Variants in GUCA1C observed in about 807,000 individuals in gnomAD.
GUCA1C encodes the protein guanylate cyclase activator 1C.
Under a neutral mutation model 16.2 loss-of-function variants are expected in GUCA1C, and 15 were observed. That is an observed-to-expected ratio of 0.93 (90% CI 0.62 to 1.43). The LOEUF is 1.43. Ranked by LOEUF, GUCA1C falls within the 40% of genes most tolerant of loss-of-function variation. The pLI is 0.00. For synonymous variants in GUCA1C, 78 were observed against 85.4 expected (o/e 0.91, Z 0.48); for missense variants, 275 against 244.8 (o/e 1.12, Z -0.82).
chr3:108,940,398 G>A (rs532604468), intron 1 of GUCA1C, among the ~76,000 whole-genome samples: 2 of 152,258 alleles, frequency 1.3e-5, no homozygotes, highest in East Asian at 3.9e-4. Context: ...AATTTTTAAG[G>A]GCTCCTATAC....
intron 1 of GUCA1C, among the ~76,000 whole-genome samples, chr3:108,923,078 T>C (rs1189009738): frequency 6.6e-6 from 1 of 152,188 alleles, no homozygotes; most frequent in Non-Finnish European, 1.5e-5. Flanking sequence ...CTATTAGTCC[T>C]TCGTCGAATG....
chr3:108,940,267 C>T (rs1375364397), intron 1 of GUCA1C, among the ~76,000 whole-genome samples: 2 of 152,008 alleles, frequency 1.3e-5, no homozygotes, highest in Non-Finnish European at 2.9e-5. Flanking sequence ...GAATATAAAC[C>T]GTTAATTGTG....
At chr3:108,944,842 T>A (rs902110910) in intron 1 of GUCA1C, among the ~76,000 whole-genome samples, 21 of 152,228 alleles carry the variant, frequency 1.4e-4, no homozygotes, top group Non-Finnish European at 2.5e-4. Context: ...GGGTCAATAA[T>A]CCTCTTATTC....
intron 1 of GUCA1C, among the ~76,000 whole-genome samples, chr3:108,924,315 C>T (rs1946599461): frequency 6.6e-6 from 1 of 151,986 alleles, no homozygotes; most frequent in African/African-American, 2.4e-5. Context: ...AAGGTATGTC[C>T]CTTCTATACC....
intron 1 of GUCA1C, among the ~76,000 whole-genome samples, chr3:108,938,212 C>G (rs377408340): frequency 2.1e-4 from 32 of 152,122 alleles, no homozygotes; most frequent in African/African-American, 7.2e-4. Context: ...AACTGATTCC[C>G]CACACAGCAT....
chr3:108,936,465 T>C lies in GUCA1C; in HGVS notation c.205-15880A>G, dbSNP rs556790390. On this transcript the variant is annotated intron_variant, in intron 1 of 3. Transcript: ENST00000261047. Reference sequence around the variant, plus strand: ...ATTCTTACTTTACAGAGAATAAAACTGATTTTCAGAGAAGTTAAATAAATG... The same window carrying C: ...ATTCTTACTTTACAGAGAATAAAACCGATTTTCAGAGAAGTTAAATAAATG... 4.6e-5 allele frequency among the ~76,000 whole-genome samples: 7 copies of C among 152,322 alleles called. No homozygotes were observed. In the South Asian group the frequency reaches 1.0e-3, roughly 23 times the overall value.
chr3:108,920,507 A>G lies in GUCA1C; in HGVS notation c.283T>C (p.Trp95Arg), dbSNP rs759975392. 2 of 1,599,684 alleles carry G rather than the reference A, an allele frequency of 1.3e-6. No individual in the cohort carries two copies. Among genetic ancestry groups the G allele is most frequent in the Non-Finnish European group, 1.7e-6 (2 of 1,167,162 alleles). Residue 95 changes from tryptophan to arginine, a missense_variant, in exon 2 of 4, where the codon TGG becomes CGG. Trp to Arg is a moderately radical substitution (Grantham distance 101, BLOSUM62 -3). Coordinates refer to ENST00000261047, the MANE Select transcript of GUCA1C (RefSeq NM_005459.4). The stretch of plus-strand genomic sequence containing the variant: ...TCAGCATCATACAGCTTAAAATACC[A>G]TTTTAATTTTTGCTCCATTTTTTCT... ...MQEKMEQKLK[W>R]YFKLYDADGN...
intron 1 of GUCA1C, among the ~76,000 whole-genome samples, chr3:108,951,052 GAAAAAGA>G (rs1410549765): frequency 6.6e-6 from 1 of 151,472 alleles, no homozygotes; most frequent in East Asian, 1.9e-4. Context: ...GCACATAAAA[GAAAAAGA>G]AAAATATTGC....
intron 1 of GUCA1C, among the ~76,000 whole-genome samples, chr3:108,933,846 T>A (rs935260310): frequency 2.0e-5 from 3 of 152,070 alleles, no homozygotes; most frequent in Non-Finnish European, 2.9e-5. Flanking sequence ...ACCCAAAGGA[T>A]TATAAATCAT....
chr3:108,946,120 A>C (rs1327205864), intron 1 of GUCA1C, among the ~76,000 whole-genome samples: 1 of 152,146 alleles, frequency 6.6e-6, no homozygotes, highest in African/African-American at 2.4e-5. Context: ...AAAGAGTTTC[A>C]TTTTAATGAT....
At chr3:108,946,844 C>G (rs533849038) in intron 1 of GUCA1C, among the ~76,000 whole-genome samples, 1 of 145,096 alleles carries the variant, frequency 6.9e-6, no homozygotes, top group African/African-American at 2.6e-5. Context: ...ATAACCACAA[C>G]TGCAACATGA....
chr3:108,916,745 C>G (rs1011846127), intron 2 of GUCA1C, among the ~76,000 whole-genome samples: 11 of 152,140 alleles, frequency 7.2e-5, no homozygotes, highest in African/African-American at 2.4e-4. Context: ...CTCCCACATA[C>G]TGTCAGGGCC....
intron 1 of GUCA1C, among the ~76,000 whole-genome samples, chr3:108,932,239 C>T (rs1946673922): frequency 6.6e-6 from 1 of 150,568 alleles, no homozygotes; most frequent in African/African-American, 2.5e-5. Context: ...TTCTTATTGG[C>T]CTGAGCCTGA....
At position 108,920,349 on chromosome 3, in the gene GUCA1C, C is replaced by A. The variant is rs150354896; in HGVS notation, c.354+87G>T. On this transcript the variant is annotated intron_variant, in intron 2 of 3. Coordinates refer to ENST00000261047, the MANE Select transcript of GUCA1C (RefSeq NM_005459.4). ...TGTATATCGCCAAAATAGCCAACCC[C>A]ATAGACAGCTGTTACCTACTCCATA... 719 of 944,280 alleles carry A rather than the reference C, an allele frequency of 7.6e-4. 5 individuals are homozygous for A. In the African/African-American group the frequency reaches 0.011, roughly 15 times the overall value. 58.5% of individuals were successfully genotyped at this position (944,280 alleles called of 1,614,324 possible).
At chr3:108,937,768 A>G (rs1946742037) in intron 1 of GUCA1C, among the ~76,000 whole-genome samples, 1 of 152,188 alleles carries the variant, frequency 6.6e-6, no homozygotes, top group East Asian at 1.9e-4. Flanking sequence ...CTAGAGTTCT[A>G]GTAATATTAA....
At chr3:108,909,986 G>C (rs1431723844) in intron 3 of GUCA1C, among the ~76,000 whole-genome samples, 1 of 152,198 alleles carries the variant, frequency 6.6e-6, no homozygotes, top group East Asian at 1.9e-4. Flanking sequence ...TTACCACACA[G>C]CTACCGCCAC....
chr3:108,924,780 T>A (rs1946606860), intron 1 of GUCA1C, among the ~76,000 whole-genome samples: 1 of 152,118 alleles, frequency 6.6e-6, no homozygotes, highest in Admixed American at 6.5e-5. Flanking sequence ...TTGTTGGCAA[T>A]TTTTTTGTTA....
At chr3:108,949,076 G>A (rs1200444414) in intron 1 of GUCA1C, among the ~76,000 whole-genome samples, 1 of 152,096 alleles carries the variant, frequency 6.6e-6, no homozygotes, top group East Asian at 1.9e-4. Context: ...TCGAACTCCT[G>A]ACCTCAAGTG....
At chr3:108,940,624 A>C (rs1187317342) in intron 1 of GUCA1C, among the ~76,000 whole-genome samples, 2 of 152,256 alleles carry the variant, frequency 1.3e-5, no homozygotes, top group Non-Finnish European at 2.9e-5. Context: ...GAAAAATTAA[A>C]AACAAGAAAT....
Sources: gnomAD v4.1 joint callset for allele counts (sites outside exome capture counted in the v4.1 genomes callset) on GRCh38, gnomAD v4.1.1 for gene constraint, MANE v1.5 for transcripts, NCBI Gene and HGNC (gene_info 2026-07-23, HGNC 2026-07-21) for gene names.